The following TRIB3 variants were observed in gnomAD, a reference collection of about 807,000 sequenced individuals.
The protein encoded by TRIB3 is tribbles pseudokinase 3, also known as tribbles homolog 3.
TRIB3 carries 20 observed loss-of-function variants against 16.6 expected under a neutral mutation model. That is an observed-to-expected ratio of 1.20 (90% confidence interval 0.85 to 1.75). The LOEUF is 1.75. Ranked by LOEUF, TRIB3 falls within the 40% of genes most tolerant of loss-of-function variation. TRIB3 has a pLI of 0.00. For missense variants in TRIB3, 484 were observed against 488.9 expected (o/e 0.99, Z 0.10); for synonymous variants, 208 against 217.0 (o/e 0.96, Z 0.36).
At position 391,314 on chromosome 20, in the gene TRIB3, G is replaced by A. The variant is rs138380491; in HGVS notation, c.319G>A (p.Val107Met). ...GTACCCCGTCCAGGAAGCCCTGGCC[G>A]TGCTGGAGCCCTATGCGCGGCTGCC... The part of the protein sequence containing the change: ...KVYPVQEALA[V>M]LEPYARLPPH... The change falls in exon 3 of 4, where the codon GTG becomes ATG. Residue 107 changes from valine to methionine, a missense_variant. Physicochemically the swap from Val to Met is conservative, Grantham distance 21. Coordinates refer to ENST00000217233, the MANE Select transcript of TRIB3 (RefSeq NM_021158.5). 5,893 of 1,612,846 alleles carry A rather than the reference G, an allele frequency of 3.7e-3. 24 individuals carry two copies. Among genetic ancestry groups the A allele is most frequent in the Non-Finnish European group, 4.6e-3 (5,438 of 1,179,974 alleles).
At chr20:388,784 G>A (rs8121580) in intron 2 of TRIB3, among the ~76,000 whole-genome samples, 1,838 of 152,254 alleles carry the variant, frequency 0.012, 43 homozygotes, top group African/African-American at 0.042. Context: ...TGGGCTGTGC[G>A]GAGCTACTGA....
At position 391,556 on chromosome 20, in the gene TRIB3, C is replaced by G; in HGVS notation, c.561C>G (p.Arg187=). 1 of 1,611,362 alleles carries G rather than the reference C, an allele frequency of 6.2e-7. No individual in the cohort carries two copies. Among genetic ancestry groups the G allele is most frequent in the Non-Finnish European group, 8.5e-7 (1 of 1,178,606 alleles). The change falls in exon 3 of 4, where the codon CGC becomes CGG. Residue 187 remains arginine (R), a synonymous_variant. Coordinates refer to ENST00000217233, the MANE Select transcript of TRIB3 (RefSeq NM_021158.5). The part of the protein sequence containing the change: ...GLVLRDLKLC[R]FVFADRERKK... ...TCCTGCGTGATCTCAAGCTGTGTCG[C>G]TTTGTCTTCGCTGACCGTGAGAGGT...
Position 391,330 on chromosome 20 carries a change from C to T in TRIB3, c.335C>T (p.Ala112Val), listed in dbSNP as rs772570025. The T allele has an allele frequency of 1.1e-5, 17 of 1,613,114 alleles. No individual in the cohort carries two copies. Among genetic ancestry groups the T allele is most frequent in the Non-Finnish European group, 1.4e-5 (16 of 1,179,996 alleles). Residue 112 changes from alanine to valine, a missense_variant, in exon 3 of 4, where the codon GCG becomes GTG. Transcript: ENST00000217233. ...QEALAVLEPY[A>V]RLPPHKHVAR... ...GCCCTGGCCGTGCTGGAGCCCTATG[C>T]GCGGCTGCCCCCGCACAAGCATGTG...
chr20:386,454 G>T (rs755217475), intron 1 of TRIB3, among the ~76,000 whole-genome samples: 2 of 152,242 alleles, frequency 1.3e-5, no homozygotes, highest in African/African-American at 4.8e-5. Context: ...TGTCACCCAG[G>T]CTGGAGTGTA....
rs1042068721 is a variant in TRIB3 at position 396,356 on chromosome 20, G to A, written c.743G>A (p.Gly248Asp). ...AAGGCAGCCGATGTCTGGAGCCTGGGCGTGGCGCTCTTCACCATGCTGGCC... is the reference window on the plus strand; with the variant it reads ...AAGGCAGCCGATGTCTGGAGCCTGGACGTGGCGCTCTTCACCATGCTGGCC... The part of the protein sequence containing the change: ...SGKAADVWSL[G>D]VALFTMLAGH... The change falls in exon 4 of 4, where the codon GGC becomes GAC. Residue 248 changes from glycine (G) to aspartate (D), a missense_variant. Transcript: ENST00000217233. 1.2e-6 allele frequency: 2 copies of A among 1,613,694 alleles called. No homozygotes were observed. The highest frequency in any genetic ancestry group is 1.1e-5 in the South Asian group (1 of 91,090).
In TRIB3 at chr20:380,784, G is replaced by T. The variant is rs1471751047; in HGVS notation, c.-386G>T. 1.3e-5 allele frequency: 2 copies of T among 152,356 alleles called. No individual in the cohort carries two copies. Among genetic ancestry groups the T allele is most frequent in the Non-Finnish European group, 2.9e-5 (2 of 68,256 alleles). 9.4% of individuals were successfully genotyped at this position (152,356 alleles called of 1,614,324 possible). ...CAGACGCCCCTAGGGGGCCAGCGAG[G>T]GCGGGTCCCAGGTGCAGCGGATGCA... On this transcript the variant is annotated 5_prime_UTR_variant, in exon 1 of 4. Coordinates refer to ENST00000217233, the MANE Select transcript of TRIB3 (RefSeq NM_021158.5).
chr20:386,949 C>T (rs1335269199), intron 1 of TRIB3, among the ~76,000 whole-genome samples: 1 of 151,330 alleles, frequency 6.6e-6, no homozygotes, highest in Non-Finnish European at 1.5e-5. Context: ...GACAGGGTTT[C>T]ACCATGTTGG....
At position 391,412 on chromosome 20, in the gene TRIB3, G is replaced by A. The variant is rs199976082; in HGVS notation, c.417G>A (p.Arg139=). The A allele has an allele frequency of 6.2e-7, 1 of 1,613,884 alleles. No individual in the cohort carries two copies. Among genetic ancestry groups the A allele is most frequent in the Non-Finnish European group, 8.5e-7 (1 of 1,180,004 alleles). ...GTQLLYAFFT[R]THGDMHSLVR... is the part of the protein sequence containing the mutation. ...AGCTCCTCTACGCCTTTTTCACTCG[G>A]ACCCATGGGGACATGCACAGCCTGG... The change falls in exon 3 of 4, where the codon CGG becomes CGA. Residue 139 remains arginine (R), a synonymous_variant. Coordinates refer to ENST00000217233, the MANE Select transcript of TRIB3 (RefSeq NM_021158.5).
intron 3 of TRIB3, among the ~76,000 whole-genome samples, chr20:393,437 T>C (rs2015034990): frequency 6.6e-6 from 1 of 152,038 alleles, no homozygotes; most frequent in African/African-American, 2.4e-5. Flanking sequence ...GCTCAAGTGA[T>C]CCTCCCACCT....
chr20:387,628 CATCTTGGAG>C (rs1047547291), intron 1 of TRIB3, among the ~76,000 whole-genome samples: 1 of 151,424 alleles, frequency 6.6e-6, no homozygotes, highest in African/African-American at 2.4e-5. Flanking sequence ...TCTCTTAATA[CATCTTGGAG>C]ATCAGTACGC....
chr20:386,837 T>A (rs940936113), intron 1 of TRIB3, among the ~76,000 whole-genome samples: 8 of 152,018 alleles, frequency 5.3e-5, no homozygotes. Flanking sequence ...CCCAAAGTGC[T>A]GCCGTGGGCT....
chr20:396,339 C>A lies in TRIB3; in HGVS notation c.726C>A (p.Ala242=). ...SSRASYSGKA[A]DVWSLGVALF... Reference sequence around the variant, plus strand: ...GGGCCTCATACTCGGGCAAGGCAGCCGATGTCTGGAGCCTGGGCGTGGCGC... The same window carrying A: ...GGGCCTCATACTCGGGCAAGGCAGCAGATGTCTGGAGCCTGGGCGTGGCGC... Residue 242 remains alanine, a synonymous_variant, in exon 4 of 4, where the codon GCC becomes GCA. Transcript: ENST00000217233. 6.2e-7 allele frequency: 1 copy of A among 1,613,752 alleles called. No individual in the cohort carries two copies. Among genetic ancestry groups the A allele is most frequent in the Non-Finnish European group, 8.5e-7 (1 of 1,180,026 alleles).
At chr20:387,105 G>A (rs1016457095) in intron 1 of TRIB3, among the ~76,000 whole-genome samples, 15 of 152,138 alleles carry the variant, frequency 9.9e-5, no homozygotes, top group African/African-American at 3.6e-4. Context: ...GCCAAACATG[G>A]TGACTCACAT....
intron 1 of TRIB3, chr20:385,765 G>A (rs1382401959): frequency 6.6e-6 from 1 of 151,890 alleles, no homozygotes; most frequent in African/African-American, 2.4e-5. Flanking sequence ...CTTCTAGGAA[G>A]ACCTCTCTTG....
Position 391,136 on chromosome 20 carries a change from C to A in TRIB3, c.292-151C>A, listed in dbSNP as rs1679417226. On this transcript the variant is annotated intron_variant, in intron 2 of 3. Transcript: ENST00000217233. ...GAGCAAGTCATCCTACCTTATAGGA[C>A]CATGGTCAGGGCTGAGTGACTCGGT... 5.9e-6 allele frequency: 5 copies of A among 852,410 alleles called. 1 individual carries two copies. Among genetic ancestry groups the A allele is most frequent in the Middle Eastern group, 7.4e-4 (2 of 2,692 alleles). 52.8% of individuals were successfully genotyped at this position (852,410 alleles called of 1,614,324 possible).
Position 396,468 on chromosome 20 carries a change from G to A in TRIB3, c.855G>A (p.Ser285=), listed in dbSNP as rs148492620. 1.2e-4 allele frequency: 193 copies of A among 1,612,730 alleles called. No homozygotes were observed. Among genetic ancestry groups the A allele is most frequent in the Middle Eastern group, 4.9e-4 (3 of 6,080 alleles). Residue 285 remains serine (S), a synonymous_variant, in exon 4 of 4, where the codon TCG becomes TCA. Coordinates refer to ENST00000217233, the MANE Select transcript of TRIB3 (RefSeq NM_021158.5). ...RGAYALPAGL[S]APARCLVRCL... is the part of the protein sequence containing the mutation. ...CCTACGCCTTGCCTGCAGGCCTCTC[G>A]GCCCCTGCCCGCTGTCTGGTTCGCT...
intron 3 of TRIB3, among the ~76,000 whole-genome samples, chr20:394,452 C>A (rs1450133237): frequency 2.0e-5 from 3 of 152,148 alleles, no homozygotes; most frequent in Non-Finnish European, 4.4e-5. Flanking sequence ...AGGGTAGATA[C>A]AACTACCCCG....
intron 3 of TRIB3, among the ~76,000 whole-genome samples, chr20:394,020 T>C (rs1024356782): frequency 1.3e-5 from 2 of 149,736 alleles, no homozygotes; most frequent in Admixed American, 6.7e-5. Flanking sequence ...TTTTTCTTTT[T>C]TTTCTTTCTT....
chr20:386,787 G>A (rs953537613), intron 1 of TRIB3, among the ~76,000 whole-genome samples: 3 of 151,688 alleles, frequency 2.0e-5, no homozygotes, highest in Non-Finnish European at 4.4e-5. Context: ...TGGCCAGGCT[G>A]GTCTCAAACT....
Sources: allele counts gnomAD v4.1 joint callset (sites outside exome capture counted in the v4.1 genomes callset), GRCh38; gene constraint gnomAD v4.1.1; transcripts MANE v1.5; gene names NCBI Gene and HGNC (gene_info 2026-07-23, HGNC 2026-07-21).